Variants in DNM1L observed in about 807,000 individuals in gnomAD.
DNM1L encodes dynamin-1-like protein.
DNM1L carries 33 observed loss-of-function variants against 92.8 expected under a neutral mutation model. The ratio of observed to expected loss-of-function variants is 0.36; its 90% CI spans 0.27 to 0.48. DNM1L has a LOEUF of 0.48. Among genes scored for constraint, DNM1L ranks in the 20% least tolerant of loss-of-function variants. The probability of loss-of-function intolerance (pLI) is 0.99; values close to 1 mark genes in which losing one functional copy is unlikely to be tolerated. For missense variants in DNM1L, 485 were observed against 888.8 expected (o/e 0.55, Z 5.78); for synonymous variants, 284 against 305.0 (o/e 0.93, Z 0.72).
intron 3 of DNM1L, 22 bp downstream of exon 3, chr12:32,707,435 G>A (rs758676374): frequency 3.9e-6 from 6 of 1,540,382 alleles, no homozygotes; most frequent in Middle Eastern, 3.5e-4. Context: ...TGCATATAAT[G>A]AAGAAATAAT....
Position 32,720,710 on chromosome 12 carries a change from C to G in DNM1L, c.787C>G (p.Arg263Gly). The G allele has an allele frequency of 1.9e-6, 3 of 1,613,842 alleles. No individual in the cohort carries two copies. Among genetic ancestry groups the G allele is most frequent in the East Asian group, 2.2e-5 (1 of 44,812 alleles). Residue 263 changes from arginine (R) to glycine (G), a missense_variant, in exon 8 of 20, where the codon CGT becomes GGT. Physicochemically the swap from Arg to Gly is moderately radical, Grantham distance 125. Transcript: ENST00000549701. Reference protein sequence around the residue: ...NNKKSVTDSIRDEYAFLQKKY... With the variant: ...NNKKSVTDSIGDEYAFLQKKY... ...CAAGAAGAGTGTAACTGATTCAATC[C>G]GTGATGAGTATGCTTTTCTTCAAAA...
intron 7 of DNM1L, among the ~76,000 whole-genome samples, chr12:32,720,081 A>T (rs1953736977): frequency 2.0e-5 from 3 of 152,110 alleles, no homozygotes; most frequent in Non-Finnish European, 4.4e-5. Context: ...GATACATAAG[A>T]TCCATTCCAG....
chr12:32,742,478 C>A, intron 18 of DNM1L, 111 bp from the exon 19 acceptor site: 2 of 1,311,534 alleles, frequency 1.5e-6, no homozygotes, highest in Non-Finnish European at 2.2e-6. Context: ...AATGAAATAT[C>A]CAAAGTAGTA....
intron 1 of DNM1L, among the ~76,000 whole-genome samples, chr12:32,694,317 C>G (rs146467263): frequency 2.1e-3 from 319 of 152,262 alleles, no homozygotes; most frequent in African/African-American, 7.4e-3. Context: ...AACTCCTGAC[C>G]TTGTGATCCG....
intron 1 of DNM1L, among the ~76,000 whole-genome samples, chr12:32,700,070 C>G (rs1409695043): frequency 6.6e-6 from 1 of 152,128 alleles, no homozygotes; most frequent in Non-Finnish European, 1.5e-5. Flanking sequence ...CAAAAACCAT[C>G]TAAATGCTTA....
chr12:32,736,909 A>G, intron 13 of DNM1L, 196 bp from the exon 14 acceptor site: 1 of 505,142 alleles, frequency 2.0e-6, no homozygotes, highest in South Asian at 2.4e-5. Flanking sequence ...GTGTGGGCAG[A>G]AAAAAAAAAG....
At chr12:32,717,296 TTATA>T (rs1177672882) in intron 6 of DNM1L, among the ~76,000 whole-genome samples, 3 of 87,532 alleles carry the variant, frequency 3.4e-5, no homozygotes, top group African/African-American at 1.5e-4. Flanking sequence ...ACTATATATT[TTATA>T]TATACTATAT....
intron 13 of DNM1L, among the ~76,000 whole-genome samples, chr12:32,736,717 C>G (rs1238572624): frequency 6.6e-6 from 1 of 152,152 alleles, no homozygotes; most frequent in Non-Finnish European, 1.5e-5. Context: ...TCTGTGATCT[C>G]TGGACTTCAA....
At chr12:32,686,859 T>C (rs1044368381) in intron 1 of DNM1L, among the ~76,000 whole-genome samples, 3 of 152,164 alleles carry the variant, frequency 2.0e-5, no homozygotes, top group Non-Finnish European at 2.9e-5. Flanking sequence ...ATTTCCCTAA[T>C]GACTAATGGT....
chr12:32,709,829 A>C (rs1386616799), intron 4 of DNM1L, among the ~76,000 whole-genome samples: 1 of 152,218 alleles, frequency 6.6e-6, no homozygotes, highest in Non-Finnish European at 1.5e-5. Flanking sequence ...CCAGATAGTG[A>C]CATTTGTTGG....
At position 32,721,431 on chromosome 12, in the gene DNM1L, T is replaced by C. The variant is rs73084843; in HGVS notation, c.872+636T>C. On this transcript the variant is annotated intron_variant, in intron 8 of 19. Coordinates refer to ENST00000549701, the MANE Select transcript of DNM1L (RefSeq NM_012062.5). ...ACAAGTCAATGAAACCAAAATTATA[T>C]AGGAAGAATTGATTGGGTGGCTTAT... Among the ~76,000 whole-genome samples the C allele has an allele frequency of 3.3e-3, 510 of 152,282 alleles. 4 individuals carry two copies. The highest frequency in any genetic ancestry group is 5.8e-3 in the Non-Finnish European group (393 of 68,010).
intron 16 of DNM1L, among the ~76,000 whole-genome samples, chr12:32,739,334 A>G (rs988522204): frequency 2.6e-5 from 4 of 152,252 alleles, no homozygotes; most frequent in African/African-American, 9.6e-5. Context: ...GTCATTTTTG[A>G]CTTTTAGAAG....
At chr12:32,729,596 CCCA>C (rs1279234916) in intron 9 of DNM1L, among the ~76,000 whole-genome samples, 1 of 151,988 alleles carries the variant, frequency 6.6e-6, no homozygotes, top group Non-Finnish European at 1.5e-5. Flanking sequence ...ACTACAGGTG[CCCA>C]CCACCACACC....
chr12:32,694,260 A>G (rs1048265936), intron 1 of DNM1L, among the ~76,000 whole-genome samples: 10 of 151,620 alleles, frequency 6.6e-5, no homozygotes, highest in African/African-American at 2.4e-4. Context: ...TAATTTTTGT[A>G]TTTTTAGTTG....
At chr12:32,723,239 C>T (rs1341816471) in intron 9 of DNM1L, among the ~76,000 whole-genome samples, 2 of 151,788 alleles carry the variant, frequency 1.3e-5, no homozygotes, top group African/African-American at 2.4e-5. Flanking sequence ...GGAAAAATGG[C>T]ATAAACACTG....
intron 6 of DNM1L, among the ~76,000 whole-genome samples, chr12:32,716,987 A>G (rs1489138356): frequency 6.9e-6 from 1 of 144,380 alleles, no homozygotes; most frequent in Non-Finnish European, 1.5e-5. Flanking sequence ...CACCACTCCC[A>G]CCAGCAACGT....
chr12:32,726,088 G>A (rs1954121908), intron 9 of DNM1L, among the ~76,000 whole-genome samples: 1 of 151,484 alleles, frequency 6.6e-6, no homozygotes, highest in Non-Finnish European at 1.5e-5. Context: ...TCCTTTAACA[G>A]TTGTTAATTT....
chr12:32,713,365 C>A lies in DNM1L; in HGVS notation c.613C>A (p.Pro205Thr), dbSNP rs749615882. 1 of 1,613,694 alleles carries A rather than the reference C, an allele frequency of 6.2e-7. No individual in the cohort carries two copies. The highest frequency in any genetic ancestry group is 1.1e-5 in the South Asian group (1 of 91,072). The change falls in exon 6 of 20, where the codon CCA becomes ACA. Residue 205 changes from proline (P) to threonine (T), a missense_variant. Pro to Thr is a conservative substitution (Grantham distance 38). Around this residue, in one of 11 missense-constraint regions of DNM1L, gnomAD observed 159 missense variants for 275.9 expected, o/e 0.58. Transcript: ENST00000549701. ...EALKISREVD[P>T]DGRRTLAVIT... ...ACTTAAAATTTCAAGAGAGGTAGAT[C>A]CAGATGGTAAGGACAGATGTTAATT... is the stretch of plus-strand genomic sequence containing the variant.
chr12:32,743,522 C>A lies in DNM1L; in HGVS notation c.*112C>A. 2.0e-6 allele frequency: 2 copies of A among 992,772 alleles called. No homozygotes were observed. Among genetic ancestry groups the A allele is most frequent in the South Asian group, 1.4e-5 (1 of 72,614 alleles). The allele number at this position is 992,772 out of a possible 1,614,324, so 61.5% of individuals were successfully genotyped here. On this transcript the variant is annotated 3_prime_UTR_variant, in exon 20 of 20. Coordinates refer to ENST00000549701, the MANE Select transcript of DNM1L (RefSeq NM_012062.5). ...TGTATTGCAATGGTATGAATCTGCT[C>A]ATGTGGAGACTGGCTATAAACTGAA...
Sources: gnomAD v4.1 joint callset for allele counts (sites outside exome capture counted in the v4.1 genomes callset) on GRCh38, gnomAD v4.1.1 for gene constraint, gnomAD v4.1.1 regional missense constraint, MANE v1.5 for transcripts, NCBI Gene and HGNC (gene_info 2026-07-23, HGNC 2026-07-21) for gene names.